The following POLR1F variants were observed in gnomAD, a reference collection of about 807,000 sequenced individuals.
POLR1F encodes the protein RNA polymerase I subunit F.
In POLR1F, 23 loss-of-function variants were observed where a neutral mutation model predicts 21.8. The ratio of observed to expected loss-of-function variants is 1.05; its 90% CI spans 0.76 to 1.49. POLR1F has a LOEUF of 1.49. POLR1F is among the 40% of genes most tolerant of loss of function. The pLI, the probability that POLR1F is intolerant of heterozygous loss-of-function variation, is 0.00. For synonymous variants in POLR1F, 162 were observed against 152.8 expected (o/e 1.06, Z -0.45); for missense variants, 435 against 412.1 (o/e 1.06, Z -0.48).
chr7:19,703,766 T>G (rs940509511), intron 2 of POLR1F, among the ~76,000 whole-genome samples: 8 of 152,162 alleles, frequency 5.3e-5, no homozygotes, highest in Non-Finnish European at 7.3e-5. Context: ...GGCTAATTTT[T>G]TATTTTGTGT....
At chr7:19,702,093 T>C (rs574917306) in intron 2 of POLR1F, among the ~76,000 whole-genome samples, 41 of 152,218 alleles carry the variant, frequency 2.7e-4, no homozygotes, top group African/African-American at 9.4e-4. Flanking sequence ...TGGAAACTCA[T>C]AGAATGTACA....
intron 2 of POLR1F, among the ~76,000 whole-genome samples, chr7:19,703,447 TTAATAA>T (rs1260111604): frequency 2.0e-5 from 3 of 152,104 alleles, no homozygotes; most frequent in South Asian, 4.1e-4. Context: ...TCACCAAATA[TTAATAA>T]TAATAATTGA....
chr7:19,696,730 G>A lies in POLR1F; in HGVS notation c.*1586C>T, dbSNP rs1487070752. On this transcript the variant is annotated 3_prime_UTR_variant, in exon 4 of 4. Coordinates refer to ENST00000222567, the MANE Select transcript of POLR1F (RefSeq NM_001002926.2). Reference sequence around the variant, plus strand: ...ATCTTTTTGCAGAAAAATAAACTGAGAAAGGCTAAAATTGTTTTATTTAAG... The same window carrying A: ...ATCTTTTTGCAGAAAAATAAACTGAAAAAGGCTAAAATTGTTTTATTTAAG... 1 of 151,912 alleles carries A rather than the reference G, an allele frequency of 6.6e-6. No individual in the cohort carries two copies. The highest frequency in any genetic ancestry group is 1.5e-5 in the Non-Finnish European group (1 of 67,918). The allele number at this position is 151,912 out of a possible 1,614,324, so 9.4% of individuals were successfully genotyped here. A position where few individuals can be genotyped will look rare whatever the true frequency, so the allele number is the denominator to read the frequency against.
intron 2 of POLR1F, among the ~76,000 whole-genome samples, chr7:19,702,572 C>G (rs1783459685): frequency 6.6e-6 from 1 of 152,054 alleles, no homozygotes; most frequent in Non-Finnish European, 1.5e-5. Context: ...TAAATTGGAC[C>G]TCATCAAAAT....
chr7:19,709,008 T>G lies in POLR1F; in HGVS notation c.9A>C (p.Ala3=), dbSNP rs145791338. 1.3e-6 allele frequency: 2 copies of G among 1,581,696 alleles called. No individual in the cohort carries two copies. Among genetic ancestry groups the G allele is most frequent in the Admixed American group, 3.4e-5 (2 of 58,090 alleles). ...CTGGCCGCGGCGCCTCTGAGCAACC[T>G]GCAGCCATGCTGCTTGTCAAGGTTC... MA[A]GCSEAPRPAA... Residue 3 remains alanine, a synonymous_variant, in exon 1 of 4, where the codon GCA becomes GCC. Transcript: ENST00000222567.
At chr7:19,700,305 C>G in intron 2 of POLR1F, 25 bp from the exon 3 acceptor site, 1 of 1,580,514 alleles carries the variant, frequency 6.3e-7, no homozygotes, top group Non-Finnish European at 8.7e-7. Context: ...GAAGAAAGAG[C>G]GTAACATAAA....
Position 19,698,730 on chromosome 7 carries a change from A to G in POLR1F, c.606-3T>C. 1 of 1,507,564 alleles carries G rather than the reference A, an allele frequency of 6.6e-7. No homozygotes were observed. Among genetic ancestry groups the G allele is most frequent in the Non-Finnish European group, 8.8e-7 (1 of 1,135,646 alleles). 93.4% of individuals were successfully genotyped at this position (1,507,564 alleles called of 1,614,324 possible). A position where few individuals can be genotyped will look rare whatever the true frequency, so the allele number is the denominator to read the frequency against. ...CTTCAGAGCGCTTGAATTGTAAACT[A>G]TAAATTAACAGTTAAAAAAATTAAC... On this transcript the variant is annotated splice_region_variant and splice_polypyrimidine_tract_variant and intron_variant, in intron 3 of 3. Transcript: ENST00000222567.
At chr7:19,702,121 T>C (rs1783453991) in intron 2 of POLR1F, among the ~76,000 whole-genome samples, 1 of 152,150 alleles carries the variant, frequency 6.6e-6, no homozygotes. Context: ...GACTGAACTC[T>C]AATGTAAACT....
In POLR1F at chr7:19,695,734, GAA is replaced by G. The variant is rs1017904917; in HGVS notation, c.*2580_*2581del. On this transcript the variant is annotated 3_prime_UTR_variant, in exon 4 of 4. Coordinates refer to ENST00000222567, the MANE Select transcript of POLR1F (RefSeq NM_001002926.2). ...AAGCATGCACATTTAGCCTTGTCTG[GAA>G]AAAGTTTATGCGAAGGTGGTGCCTG... is the stretch of plus-strand genomic sequence containing the variant. The G allele has an allele frequency of 6.6e-6, 1 of 152,096 alleles. No individual in the cohort carries two copies. Among genetic ancestry groups the G allele is most frequent in the African/African-American group, 2.4e-5 (1 of 41,428 alleles). The allele number at this position is 152,096 out of a possible 1,614,324, so 9.4% of individuals were successfully genotyped here.
intron 2 of POLR1F, 30 bp downstream of exon 2, chr7:19,704,749 A>C: frequency 6.4e-7 from 1 of 1,560,410 alleles, no homozygotes. Flanking sequence ...GAATTATACA[A>C]AGGGAGCTAG....
chr7:19,703,715 C>A (rs868268718), intron 2 of POLR1F, among the ~76,000 whole-genome samples: 3 of 152,122 alleles, frequency 2.0e-5, no homozygotes, highest in African/African-American at 7.2e-5. Context: ...CTACCCCAGC[C>A]TCCTGAGTAA....
At chr7:19,707,896 A>G (rs1038290272) in intron 1 of POLR1F, among the ~76,000 whole-genome samples, 1 of 152,170 alleles carries the variant, frequency 6.6e-6, no homozygotes, top group Admixed American at 6.5e-5. Context: ...AGAAACTGAT[A>G]AAAACTTCCG....
At chr7:19,706,899 T>C (rs1002429705) in intron 1 of POLR1F, among the ~76,000 whole-genome samples, 1 of 152,216 alleles carries the variant, frequency 6.6e-6, no homozygotes, top group Non-Finnish European at 1.5e-5. Flanking sequence ...TTATTAGTAA[T>C]GCATAGTTCA....
At position 19,706,511 on chromosome 7, in the gene POLR1F, C is replaced by T. The variant is rs988869560; in HGVS notation, c.255-1591G>A. 7.9e-5 allele frequency among the ~76,000 whole-genome samples: 12 copies of T among 152,252 alleles called. No individual in the cohort carries two copies. The Middle Eastern group carries it at 0.01, about 129-fold the overall frequency. ...CTAGTCATGGTTATCACAAACTTTGCAGAAGCCAGGGAAGAAAAGAGTCTG... is the reference window on the plus strand; with the variant it reads ...CTAGTCATGGTTATCACAAACTTTGTAGAAGCCAGGGAAGAAAAGAGTCTG... On this transcript the variant is annotated intron_variant, in intron 1 of 3. Transcript: ENST00000222567.
In POLR1F at chr7:19,708,843, C is replaced by G. The variant is rs1267691898; in HGVS notation, c.174G>C (p.Ala58=). Residue 58 remains alanine, a synonymous_variant, in exon 1 of 4, where the codon GCG becomes GCC. Coordinates refer to ENST00000222567, the MANE Select transcript of POLR1F (RefSeq NM_001002926.2). ...TCCTGTTAAGGTAGCGGGGCGACAG[C>G]GCGATGTGCCTTTGGTGCGGCCCGG... The part of the protein sequence containing the change: ...LVAGPHQRHI[A]LSPRYLNRKR... 2 of 1,614,200 alleles carry G rather than the reference C, an allele frequency of 1.2e-6. No homozygotes were observed. The highest frequency in any genetic ancestry group is 1.7e-5 in the Admixed American group (1 of 60,028).
In POLR1F at chr7:19,704,683, A is replaced by G. The variant is rs537885714; in HGVS notation, c.396+96T>C. The G allele has an allele frequency of 2.7e-3, 3,008 of 1,097,738 alleles. 12 individuals are homozygous for G. The highest frequency in any genetic ancestry group is 6.2e-3 in the Middle Eastern group (20 of 3,244). The allele number at this position is 1,097,738 out of a possible 1,614,324, so 68.0% of individuals were successfully genotyped here. A position where few individuals can be genotyped will look rare whatever the true frequency, so the allele number is the denominator to read the frequency against. Reference sequence around the variant, plus strand: ...ATTTATTTACTCACAATAGCAATTTATTTGAGTCCCAAGGTATATATTATC... The same window carrying G: ...ATTTATTTACTCACAATAGCAATTTGTTTGAGTCCCAAGGTATATATTATC... On this transcript the variant is annotated intron_variant, in intron 2 of 3. Transcript: ENST00000222567.
At position 19,702,095 on chromosome 7, in the gene POLR1F, G is replaced by T. The variant is rs539451066; in HGVS notation, c.397-1815C>A. On this transcript the variant is annotated intron_variant, in intron 2 of 3. Transcript: ENST00000222567. ...CATGACACATTTGTGGAAACTCATA[G>T]AATGTACAACACAAAGACTGAACTC... Among the ~76,000 whole-genome samples the T allele has an allele frequency of 2.0e-5, 3 of 152,230 alleles. No homozygotes were observed. In the South Asian group the frequency reaches 6.2e-4, roughly 32 times the overall value.
Position 19,704,792 on chromosome 7 carries a change from C to T in POLR1F, c.383G>A (p.Gly128Glu). 1.3e-6 allele frequency: 2 copies of T among 1,599,572 alleles called. No individual in the cohort carries two copies. The highest frequency in any genetic ancestry group is 1.7e-6 in the Non-Finnish European group (2 of 1,175,988). The change falls in exon 2 of 4, where the codon GGG becomes GAG. Residue 128 changes from glycine to glutamate, a missense_variant. Gly to Glu is a moderately conservative substitution (Grantham distance 98). Coordinates refer to ENST00000222567, the MANE Select transcript of POLR1F (RefSeq NM_001002926.2). ...TGATACACATACCATAAGCTTCTGCCCTGGTTCAGGGCAGAAAATAACAAA... is the reference window on the plus strand; with the variant it reads ...TGATACACATACCATAAGCTTCTGCTCTGGTTCAGGGCAGAAAATAACAAA... ...ADFVIFCPEPGQKLMGIVNKV... is the reference protein window; with the variant it reads ...ADFVIFCPEPEQKLMGIVNKV...
At chr7:19,700,624 C>T (rs1405398233) in intron 2 of POLR1F, among the ~76,000 whole-genome samples, 1 of 152,158 alleles carries the variant, frequency 6.6e-6, no homozygotes, top group East Asian at 1.9e-4. Context: ...CTGCAGGATT[C>T]CTTAGGGAGG....
Sources: gnomAD v4.1 joint callset for allele counts (sites outside exome capture counted in the v4.1 genomes callset) on GRCh38, gnomAD v4.1.1 for gene constraint, MANE v1.5 for transcripts, NCBI Gene and HGNC (gene_info 2026-07-23, HGNC 2026-07-21) for gene names.